Variants in MORC3 observed in about 807,000 individuals in gnomAD.
The protein encoded by MORC3 is MORC family CW-type zinc finger protein 3.
MORC3 carries 31 observed loss-of-function variants against 109.1 expected under a neutral mutation model. That is an observed-to-expected ratio of 0.28 (90% CI 0.21 to 0.38). The LOEUF is 0.38. Ranked by LOEUF, MORC3 falls within the 10% of genes least tolerant of loss-of-function variation. The probability of loss-of-function intolerance (pLI) is 1.00; values close to 1 mark genes in which losing one functional copy is unlikely to be tolerated. For missense variants in MORC3, 867 were observed against 1,135.8 expected (o/e 0.76, Z 3.40); for synonymous variants, 395 against 380.7 (o/e 1.04, Z -0.44).
At chr21:36,360,156 G>A (rs2085696815) in intron 11 of MORC3, 28 bp from the exon 12 acceptor site, 1 of 1,614,002 alleles carries the variant, frequency 6.2e-7, no homozygotes, top group Non-Finnish European at 8.5e-7. Context: ...CTGGTGACAT[G>A]TTATTCCTAT....
intron 1 of MORC3, among the ~76,000 whole-genome samples, chr21:36,324,706 A>ATT (rs1215853489): frequency 1.2e-4 from 15 of 125,192 alleles, no homozygotes; most frequent in Admixed American, 1.6e-4. Flanking sequence ...CAGCCTTCTC[A>ATT]TTTTTTTTTT....
chr21:36,320,579 C>T (rs1039480093), intron 1 of MORC3: 2 of 319,954 alleles, frequency 6.3e-6, no homozygotes, highest in Non-Finnish European at 1.1e-5. Context: ...AGTCTCCCAG[C>T]AGCTGTCGTC....
chr21:36,359,834 TCA>T, intron 10 of MORC3, 119 bp from the exon 11 acceptor site: 1 of 1,417,220 alleles, frequency 7.1e-7, no homozygotes, highest in Non-Finnish European at 9.7e-7. Flanking sequence ...AAGAGTTACG[TCA>T]TAATTTTTAG....
intron 8 of MORC3, among the ~76,000 whole-genome samples, chr21:36,347,020 A>AC (rs1569098220): frequency 4.0e-5 from 6 of 150,982 alleles, no homozygotes; most frequent in South Asian, 2.1e-4. Context: ...AAAAAAAAAA[A>AC]AAAAAACAAA....
intron 1 of MORC3, among the ~76,000 whole-genome samples, chr21:36,323,338 G>T (rs1384808194): frequency 6.6e-6 from 1 of 152,086 alleles, no homozygotes; most frequent in African/African-American, 2.4e-5. Context: ...TAACCTCTTT[G>T]TGCCAGAGTT....
intron 8 of MORC3, among the ~76,000 whole-genome samples, chr21:36,347,031 G>C (rs919077032): frequency 7.0e-6 from 1 of 142,460 alleles, no homozygotes; most frequent in African/African-American, 2.6e-5. Context: ...AAAAAACAAA[G>C]AAATTGGGGC....
At chr21:36,365,839 C>G (rs1230917403) in intron 14 of MORC3, among the ~76,000 whole-genome samples, 1 of 152,132 alleles carries the variant, frequency 6.6e-6, no homozygotes, top group African/African-American at 2.4e-5. Context: ...GCCTCGGCCT[C>G]CCAAAGTAAT....
intron 4 of MORC3, among the ~76,000 whole-genome samples, chr21:36,338,195 G>C (rs946540138): frequency 6.6e-6 from 1 of 152,136 alleles, no homozygotes; most frequent in African/African-American, 2.4e-5. Flanking sequence ...GTTTACTTCA[G>C]GGTTATTGTA....
intron 9 of MORC3, 137 bp downstream of exon 9, chr21:36,349,545 T>C: frequency 2.0e-6 from 1 of 497,494 alleles, no homozygotes; most frequent in Non-Finnish European, 3.4e-6. Context: ...CTTGTGATGG[T>C]GTAGGTTACA....
chr21:36,356,907 A>C (rs1456348603), intron 10 of MORC3, among the ~76,000 whole-genome samples, 183 bp downstream of exon 10: 1 of 152,216 alleles, frequency 6.6e-6, no homozygotes, highest in African/African-American at 2.4e-5. Flanking sequence ...TGCACACAAA[A>C]CATCCATAAA....
chr21:36,335,635 G>C (rs546870090), intron 2 of MORC3, among the ~76,000 whole-genome samples: 240 of 152,120 alleles, frequency 1.6e-3, no homozygotes, highest in Middle Eastern at 3.4e-3. Flanking sequence ...ATTTTTAAAC[G>C]TATTTCTTCC....
rs775604168 is a variant in MORC3 at position 36,333,738 on chromosome 21, A to G, written c.112+20A>G. The G allele has an allele frequency of 6.5e-7, 1 of 1,543,358 alleles. No homozygotes were observed. Among genetic ancestry groups the G allele is most frequent in the Non-Finnish European group, 8.9e-7 (1 of 1,121,780 alleles). ...TAATAGGTATGTAGTTTGACATTTC[A>G]TATACCATTTGTTGCTTACAATTGT... On this transcript the variant is annotated intron_variant, in intron 2 of 16. Transcript: ENST00000400485.
chr21:36,344,559 CTTG>C lies in MORC3; in HGVS notation c.757-17_757-15del, dbSNP rs768050766. 6.2e-7 allele frequency: 1 copy of C among 1,609,608 alleles called. No individual in the cohort carries two copies. On this transcript the variant is annotated splice_polypyrimidine_tract_variant and intron_variant, in intron 6 of 16. Transcript: ENST00000400485. ...TGAGCAAACCTGTAGATACTAACTTCTTGTTATGTTATTTTCCAGGCTTATTGC... is the reference window on the plus strand; with the variant it reads ...TGAGCAAACCTGTAGATACTAACTTCTTATGTTATTTTCCAGGCTTATTGC...
At chr21:36,338,998 G>A in intron 5 of MORC3, 77 bp downstream of exon 5, 1 of 1,466,634 alleles carries the variant, frequency 6.8e-7, no homozygotes, top group Non-Finnish European at 9.4e-7. Flanking sequence ...TTCATCTCTC[G>A]TTACACACAG....
intron 1 of MORC3, among the ~76,000 whole-genome samples, chr21:36,331,657 G>A (rs970875023): frequency 5.9e-5 from 9 of 151,952 alleles, no homozygotes; most frequent in Admixed American, 2.0e-4. Flanking sequence ...CATTTGGTAC[G>A]TACCACTACT....
In MORC3 at chr21:36,341,424, T is replaced by C; in HGVS notation, c.634T>C (p.Phe212Leu). The change falls in exon 6 of 17, where the codon TTT becomes CTT. Residue 212 changes from phenylalanine (F) to leucine (L), a missense_variant. Physicochemically the swap from Phe to Leu is conservative, Grantham distance 22. Transcript: ENST00000400485. ...CTACAAAAATGCAACAGAGTTCGAT[T>C]TTGAAAAGGATAAATATGATATCAG... ...RSYKNATEFD[F>L]EKDKYDIRIP... 1 of 1,600,456 alleles carries C rather than the reference T, an allele frequency of 6.2e-7. No individual in the cohort carries two copies. Among genetic ancestry groups the C allele is most frequent in the Non-Finnish European group, 8.5e-7 (1 of 1,177,132 alleles).
At chr21:36,331,183 C>T (rs764884032) in intron 1 of MORC3, among the ~76,000 whole-genome samples, 14 of 152,244 alleles carry the variant, frequency 9.2e-5, no homozygotes, top group African/African-American at 2.2e-4. Flanking sequence ...GCTCTTCACA[C>T]TGCAAAGTGC....
In MORC3 at chr21:36,320,231, C is replaced by G. The variant is rs184346068; in HGVS notation, c.-34C>G. On this transcript the variant is annotated 5_prime_UTR_variant, in exon 1 of 17. Transcript: ENST00000400485. Reference sequence around the variant, plus strand: ...CCGCCACCTCCCAGTCGGGTTGCGGCGGAGGCCGTTCCTGGCTTTGTAGCT... The same window carrying G: ...CCGCCACCTCCCAGTCGGGTTGCGGGGGAGGCCGTTCCTGGCTTTGTAGCT... 29 of 1,570,000 alleles carry G rather than the reference C, an allele frequency of 1.8e-5. No homozygotes were observed. The highest frequency in any genetic ancestry group is 2.4e-5 in the Non-Finnish European group (28 of 1,158,752).
chr21:36,372,077 T>G (rs2085875798), intron 15 of MORC3, among the ~76,000 whole-genome samples: 5 of 152,200 alleles, frequency 3.3e-5, no homozygotes, highest in Admixed American at 3.3e-4. Context: ...CCTCCCAAAG[T>G]GCTGGGATTA....
Sources: allele counts gnomAD v4.1 joint callset (sites outside exome capture counted in the v4.1 genomes callset), GRCh38; gene constraint gnomAD v4.1.1; transcripts MANE v1.5; gene names NCBI Gene and HGNC (gene_info 2026-07-23, HGNC 2026-07-21).